Variants in CELSR1 observed in about 807,000 individuals in gnomAD.
The protein encoded by CELSR1 is cadherin EGF LAG seven-pass G-type receptor 1, also known as adhesion G protein-coupled receptor C1.
CELSR1 carries 110 observed loss-of-function variants against 249.1 expected under a neutral mutation model. That is an observed-to-expected ratio of 0.44 (90% CI 0.38 to 0.52). The LOEUF is 0.52. Among genes scored for constraint, CELSR1 ranks in the 20% least tolerant of loss-of-function variants. The pLI is 0.00. For synonymous variants in CELSR1, 2,113 were observed against 1,900.0 expected (o/e 1.11, Z -2.92); for missense variants, 4,109 against 4,296.4 (o/e 0.96, Z 1.22).
chr22:46,365,411 G>C (rs776648184), intron 31 of CELSR1, 31 bp from the exon 32 acceptor site: 5 of 1,608,018 alleles, frequency 3.1e-6, no homozygotes, highest in Admixed American at 3.3e-5. Context: ...GGGAGGCTCA[G>C]GCCCTGGGAG....
intron 1 of CELSR1, among the ~76,000 whole-genome samples, chr22:46,519,441 G>A (rs1392807097): frequency 6.6e-6 from 1 of 152,230 alleles, no homozygotes; most frequent in Non-Finnish European, 1.5e-5. Context: ...CTGAGGGCCA[G>A]CACTGGGCCA....
chr22:46,463,728 C>T lies in CELSR1; in HGVS notation c.4162G>A (p.Glu1388Lys), dbSNP rs764296541. ...CRSREGGYTC[E>K]CFEDFTGEHC... ...CTACCAGTGAAGTCCTCGAAGCACT[C>T]GCAGGTGTAGCCGCCCTCGCGGCTG... Residue 1388 changes from glutamate to lysine, a missense_variant, in exon 2 of 35, where the codon GAG (glutamate) becomes AAG (lysine). This residue lies in a region of CELSR1 where 453 missense variants were observed against 492.0 expected (regional missense o/e 0.92). Coordinates refer to ENST00000674500, the MANE Select transcript of CELSR1 (RefSeq NM_001378328.1). 4 of 1,531,218 alleles carry T rather than the reference C, an allele frequency of 2.6e-6. No individual in the cohort carries two copies. Among genetic ancestry groups the T allele is most frequent in the Admixed American group, 2.1e-5 (1 of 47,458 alleles). 94.9% of individuals were successfully genotyped at this position (1,531,218 alleles called of 1,614,324 possible).
intron 2 of CELSR1, among the ~76,000 whole-genome samples, chr22:46,442,208 C>G (rs2079758932): frequency 1.3e-5 from 2 of 152,218 alleles, no homozygotes; most frequent in South Asian, 4.1e-4. Context: ...CTGAGGTATA[C>G]CCCCCACCCT....
intron 1 of CELSR1, among the ~76,000 whole-genome samples, chr22:46,501,266 G>A (rs915497555): frequency 1.1e-4 from 16 of 147,542 alleles, no homozygotes; most frequent in Non-Finnish European, 1.3e-4. Context: ...GAGTGCAGTG[G>A]TGTGATCTCG....
chr22:46,373,141 A>G (rs1158323010), intron 24 of CELSR1, 84 bp from the exon 25 acceptor site: 1 of 1,402,110 alleles, frequency 7.1e-7, no homozygotes. Context: ...GGGGGATGGG[A>G]GAGCTCACAA....
rs2079548473 is a variant in CELSR1 at position 46,427,400 on chromosome 22, G to C, written c.4611+5993C>G. 6.6e-6 allele frequency among the ~76,000 whole-genome samples: 1 copy of C among 152,210 alleles called. No individual in the cohort carries two copies. The highest frequency in any genetic ancestry group is 2.1e-4 in the South Asian group (1 of 4,836). On this transcript the variant is annotated intron_variant, in intron 5 of 34. Transcript: ENST00000674500. The surrounding 1 kb of genome is among the most constrained non-coding windows in gnomAD (Gnocchi z 4.2). ...AAAAGTACAAAAATTAACCGGGTGT[G>C]GTGGCGCGCACCTGTAAACCCAGCT... is the stretch of plus-strand genomic sequence containing the variant.
At chr22:46,475,331 G>A (rs2147638996) in intron 1 of CELSR1, among the ~76,000 whole-genome samples, 1 of 152,292 alleles carries the variant, frequency 6.6e-6, no homozygotes, top group Non-Finnish European at 1.5e-5. Context: ...ACACAGATGA[G>A]CCTTGAAGAC....
chr22:46,533,481 T>A, intron 1 of CELSR1, 146 bp downstream of exon 1: 1 of 1,236,198 alleles, frequency 8.1e-7, no homozygotes, highest in South Asian at 1.6e-5. Flanking sequence ...ACCCCCAGCA[T>A]CCAACCGGCG....
chr22:46,489,715 C>T (rs893881167), intron 1 of CELSR1, among the ~76,000 whole-genome samples: 6 of 151,994 alleles, frequency 3.9e-5, no homozygotes, highest in Non-Finnish European at 7.4e-5. Flanking sequence ...GAGTTTGAGA[C>T]CAGCCTGGCC....
Position 46,394,176 on chromosome 22 carries a change from T to C in CELSR1, c.5930A>G (p.Asp1977Gly), listed in dbSNP as rs2147264846. Residue 1977 changes from aspartate (D) to glycine (G), a missense_variant, in exon 14 of 35, where the codon GAC becomes GGC. Transcript: ENST00000674500. ...HCAVSKGFDPDCNKTNGQCQC... is the reference protein window; with the variant it reads ...HCAVSKGFDPGCNKTNGQCQC... ...GCACTGGCCGTTGGTCTTATTACAG[T>C]CGGGATCAAAGCCTTTGCTGACGGC... 2 of 1,613,936 alleles carry C rather than the reference T, an allele frequency of 1.2e-6. No homozygotes were observed. Among genetic ancestry groups the C allele is most frequent in the African/African-American group, 2.7e-5 (2 of 75,034 alleles).
intron 1 of CELSR1, among the ~76,000 whole-genome samples, chr22:46,467,272 C>A (rs1329949867): frequency 6.6e-6 from 1 of 152,104 alleles, no homozygotes; most frequent in Non-Finnish European, 1.5e-5. Context: ...CATTCAGCGA[C>A]CCTAAGCTTG....
At chr22:46,424,144 A>G (rs62227004) in intron 5 of CELSR1, among the ~76,000 whole-genome samples, 4,850 of 152,198 alleles carry the variant, frequency 0.032, 131 homozygotes, top group African/African-American at 0.064. Context: ...ATGGCTTACA[A>G]CAGCCTCGAC....
At chr22:46,420,581 A>T (rs2079458778) in intron 5 of CELSR1, among the ~76,000 whole-genome samples, 1 of 152,156 alleles carries the variant, frequency 6.6e-6, no homozygotes. Context: ...ACACATGCTC[A>T]CCCATACTCG....
At chr22:46,382,225 T>C (rs1284101557) in intron 20 of CELSR1, among the ~76,000 whole-genome samples, 175 bp from the exon 21 acceptor site, 2 of 152,234 alleles carry the variant, frequency 1.3e-5, no homozygotes, top group Non-Finnish European at 2.9e-5. Context: ...AGCCCACTTC[T>C]GGGTATACAC....
intron 2 of CELSR1, among the ~76,000 whole-genome samples, chr22:46,461,778 C>T (rs541406753): frequency 3.3e-5 from 5 of 152,368 alleles, no homozygotes; most frequent in African/African-American, 9.6e-5. Flanking sequence ...TCCAGGGACC[C>T]GCGGCCACGG....
intron 1 of CELSR1, among the ~76,000 whole-genome samples, chr22:46,483,584 G>C (rs544735030): frequency 6.6e-6 from 1 of 151,978 alleles, no homozygotes; most frequent in African/African-American, 2.4e-5. Context: ...CGGGTGATTG[G>C]ATTTCCTGCC....
rs2079313885 is a variant in CELSR1 at position 46,409,974 on chromosome 22, A to G, written c.4934-94T>C. On this transcript the variant is annotated intron_variant, in intron 7 of 34. Transcript: ENST00000674500. This position sits in a 1 kb window ranked among gnomAD's most constrained non-coding sequence, Gnocchi z 9.8. ...GGCGTGGGAAACCAGGACGGAATGG[A>G]CCCGGGGCTGGACAGAAGTCAGACC... is the stretch of plus-strand genomic sequence containing the variant. 5 of 1,540,392 alleles carry G rather than the reference A, an allele frequency of 3.2e-6. No homozygotes were observed. Among genetic ancestry groups the G allele is most frequent in the Non-Finnish European group, 4.4e-6 (5 of 1,134,216 alleles).
At chr22:46,378,194 C>T (rs2078939142) in intron 23 of CELSR1, among the ~76,000 whole-genome samples, 1 of 152,234 alleles carries the variant, frequency 6.6e-6, no homozygotes, top group Non-Finnish European at 1.5e-5. Context: ...CAGCAGCTGT[C>T]ACCTCCCTTA....
chr22:46,535,286 G>A lies in CELSR1; in HGVS notation c.1885C>T (p.Pro629Ser). 4 of 1,611,000 alleles carry A rather than the reference G, an allele frequency of 2.5e-6. No individual in the cohort carries two copies. Among genetic ancestry groups the A allele is most frequent in the Non-Finnish European group, 3.4e-6 (4 of 1,180,008 alleles). ...CCGGAGCTGTTGTGGATCTGGAAGG[G>A]GAAGTCAGGGGTGGGGGCAGGATTC... Reference protein sequence around the residue: ...PKNPAPTPDFPFQIHNSSGWI... With the variant: ...PKNPAPTPDFSFQIHNSSGWI... The change falls in exon 1 of 35, where the codon CCC (proline) becomes TCC (serine). Residue 629 changes from proline to serine, a missense_variant. This residue lies in a region of CELSR1 where 886 missense variants were observed against 896.5 expected (regional missense o/e 0.99). Coordinates refer to ENST00000674500, the MANE Select transcript of CELSR1 (RefSeq NM_001378328.1).
Sources: gnomAD v4.1 joint callset for allele counts (sites outside exome capture counted in the v4.1 genomes callset) on GRCh38, gnomAD v4.1.1 for gene constraint, gnomAD v4.1.1 regional missense constraint, Gnocchi (gnomAD v3.1) non-coding constraint, MANE v1.5 for transcripts, NCBI Gene and HGNC (gene_info 2026-07-23, HGNC 2026-07-21) for gene names.